ATAD1: variants seen among roughly 807,000 people sequenced by gnomAD.
ATAD1 encodes outer mitochondrial transmembrane helix translocase.
A neutral mutation model predicts 42.7 loss-of-function variants in ATAD1; 18 were observed. That is an observed-to-expected ratio of 0.42 (90% CI 0.29 to 0.63). ATAD1 has a LOEUF of 0.63. Among genes scored for constraint, ATAD1 ranks in the 20% least tolerant of loss-of-function variants. The pLI is 0.19. For missense variants in ATAD1, 294 were observed against 440.4 expected (o/e 0.67, Z 2.98); for synonymous variants, 132 against 143.1 (o/e 0.92, Z 0.55).
intron 1 of ATAD1, among the ~76,000 whole-genome samples, chr10:87,833,964 C>T (rs975732819): frequency 3.3e-5 from 5 of 152,140 alleles, no homozygotes; most frequent in Non-Finnish European, 7.4e-5. Context: ...GATCTGCCTG[C>T]CTTAGCCTCC....
chr10:87,818,238 G>C (rs779631562), upstream of ATAD1: 2 of 985,542 alleles, frequency 2.0e-6, no homozygotes, highest in Non-Finnish European at 2.4e-6. Flanking sequence ...ACCTGGGAGA[G>C]AACGCTTCCG....
At chr10:87,776,451 T>A (rs775440408) in intron 5 of ATAD1, 24 bp from the exon 6 acceptor site, 2 of 1,550,268 alleles carry the variant, frequency 1.3e-6, no homozygotes, top group Non-Finnish European at 1.8e-6. Context: ...GTCCTTAACC[T>A]TAGAAATTAA....
intron 2 of ATAD1, among the ~76,000 whole-genome samples, chr10:87,807,770 G>A (rs1323828173): frequency 2.6e-5 from 4 of 151,980 alleles, no homozygotes; most frequent in Admixed American, 6.6e-5. Flanking sequence ...AACCCAACAA[G>A]GTAAGTGCTA....
intron 8 of ATAD1, among the ~76,000 whole-genome samples, chr10:87,761,698 G>C (rs1171084529): frequency 6.6e-6 from 1 of 151,808 alleles, no homozygotes; most frequent in Non-Finnish European, 1.5e-5. Flanking sequence ...AATCCTAAAA[G>C]AATTTCCAAA....
intron 5 of ATAD1, among the ~76,000 whole-genome samples, chr10:87,784,046 A>C (rs951364720): frequency 1.3e-5 from 2 of 152,152 alleles, no homozygotes; most frequent in Admixed American, 1.3e-4. Context: ...AGAAAACCCA[A>C]ATGGCTAATC....
intron 2 of ATAD1, among the ~76,000 whole-genome samples, chr10:87,801,720 C>A (rs1856705962): frequency 6.6e-6 from 1 of 152,068 alleles, no homozygotes; most frequent in Non-Finnish European, 1.5e-5. Flanking sequence ...CAATTGTTAC[C>A]TTCTTTTGGT....
intron 4 of ATAD1, 22 bp downstream of exon 4, chr10:87,790,288 C>T (rs41310324): frequency 0.039 from 62,379 of 1,597,072 alleles, 1,445 homozygotes; most frequent in Non-Finnish European, 0.047. Flanking sequence ...ATGCTTTAGG[C>T]GAATATATAC....
chr10:87,821,690 C>G (rs1023673623), upstream of ATAD1, among the ~76,000 whole-genome samples: 28 of 152,300 alleles, frequency 1.8e-4, no homozygotes, highest in African/African-American at 6.7e-4. Context: ...CATCTGGGCT[C>G]TCCGCCATGT....
At chr10:87,754,880 T>C in intron 9 of ATAD1, 73 bp from the exon 10 acceptor site, 1 of 1,529,472 alleles carries the variant, frequency 6.5e-7, no homozygotes, top group Non-Finnish European at 8.8e-7. Flanking sequence ...TTTACCAAGA[T>C]TTAAAAGAGA....
At chr10:87,813,802 TTA>T (rs780153092) in intron 2 of ATAD1, among the ~76,000 whole-genome samples, 19 of 151,820 alleles carry the variant, frequency 1.3e-4, no homozygotes, top group Non-Finnish European at 2.2e-4. Context: ...CATAAATATT[TTA>T]GTTATTAATT....
chr10:87,803,911 C>T (rs908805274), intron 2 of ATAD1, among the ~76,000 whole-genome samples: 2 of 152,198 alleles, frequency 1.3e-5, no homozygotes, highest in Non-Finnish European at 2.9e-5. Context: ...ACTCCCTTAC[C>T]TACCTAGGCA....
intron 5 of ATAD1, among the ~76,000 whole-genome samples, chr10:87,783,998 A>C (rs1053711664): frequency 1.3e-5 from 2 of 152,108 alleles, no homozygotes; most frequent in African/African-American, 4.8e-5. Flanking sequence ...AAAGAAAACT[A>C]CAAATAACTC....
At chr10:87,801,531 GAT>G (rs1244233600) in intron 2 of ATAD1, among the ~76,000 whole-genome samples, 1 of 66,784 alleles carries the variant, frequency 1.5e-5, no homozygotes, top group Admixed American at 1.2e-4. Context: ...CTATAATTCT[GAT>G]ATGACTTAAT....
At chr10:87,826,741 T>C (rs1589574398) in intron 1 of ATAD1, among the ~76,000 whole-genome samples, 2 of 152,224 alleles carry the variant, frequency 1.3e-5, no homozygotes, top group Admixed American at 1.3e-4. Context: ...TGTCCCTCTC[T>C]CACCCCTTCC....
At chr10:87,823,607 A>T (rs1172345415) in intron 1 of ATAD1, among the ~76,000 whole-genome samples, 1 of 152,212 alleles carries the variant, frequency 6.6e-6, no homozygotes, top group Non-Finnish European at 1.5e-5. Flanking sequence ...ATACAAATGC[A>T]TTAGTTAAAA....
intron 1 of ATAD1, among the ~76,000 whole-genome samples, chr10:87,837,122 C>T (rs1183673305): frequency 1.3e-5 from 2 of 152,130 alleles, no homozygotes; most frequent in Admixed American, 6.5e-5. Flanking sequence ...TCAGCTAATT[C>T]CAGCATCTAT....
At chr10:87,839,018 A>G (rs1470482773) in intron 1 of ATAD1, among the ~76,000 whole-genome samples, 3 of 152,174 alleles carry the variant, frequency 2.0e-5, no homozygotes, top group African/African-American at 7.2e-5. Context: ...TTCAGTCACT[A>G]CTTTTCTTTA....
chr10:87,817,666 G>T (rs1056866445), intron 1 of ATAD1: 6 of 933,020 alleles, frequency 6.4e-6, no homozygotes, highest in African/African-American at 5.3e-5. Context: ...GACAATGAAG[G>T]CCTGCCAATC....
chr10:87,799,987 GTCCT>G (rs1856607079), intron 2 of ATAD1, among the ~76,000 whole-genome samples: 2 of 151,376 alleles, frequency 1.3e-5, no homozygotes, highest in Admixed American at 1.3e-4. Context: ...GGTAAATTTA[GTCCT>G]ACAATAAAAT....
Sources: allele counts gnomAD v4.1 joint callset (sites outside exome capture counted in the v4.1 genomes callset), GRCh38; gene constraint gnomAD v4.1.1; transcripts MANE v1.5; gene names NCBI Gene and HGNC (gene_info 2026-07-23, HGNC 2026-07-21).